The following GRM1 variants were observed in gnomAD, a reference collection of about 807,000 sequenced individuals.
The protein encoded by GRM1 is metabotropic glutamate receptor 1.
A neutral mutation model predicts 90.9 loss-of-function variants in GRM1; 33 were observed. The observed-to-expected ratio is 0.36, with a 90% CI of 0.28 to 0.49. The LOEUF (loss-of-function observed/expected upper bound fraction) is 0.49. GRM1 is among the 20% of genes least tolerant of loss of function. The pLI is 0.99. For missense variants in GRM1, 1,190 were observed against 1,534.3 expected, an observed-to-expected ratio of 0.78 and a Z score of 3.75; for synonymous variants, 700 against 613.2, an observed-to-expected ratio of 1.14 and a Z score of -2.09.
intron 2 of GRM1, among the ~76,000 whole-genome samples, chr6:146,195,593 A>G (rs1779088262): frequency 6.6e-6 from 1 of 152,314 alleles, no homozygotes; most frequent in East Asian, 1.9e-4. Context: ...ATACCAGGGG[A>G]AGTAGGAAAG....
At chr6:146,219,600 G>A (rs1443007942) in intron 2 of GRM1, among the ~76,000 whole-genome samples, 3 of 151,990 alleles carry the variant, frequency 2.0e-5, no homozygotes, top group Admixed American at 2.0e-4. Context: ...ACATAGTGAA[G>A]ATTAATAATT....
chr6:146,200,683 G>T (rs1184026197), intron 2 of GRM1, among the ~76,000 whole-genome samples: 1 of 152,138 alleles, frequency 6.6e-6, no homozygotes, highest in African/African-American at 2.4e-5. Context: ...ATGGGATTAA[G>T]TATGCAAAAT....
chr6:146,071,615 G>A (rs76324717), intron 1 of GRM1, among the ~76,000 whole-genome samples: 221 of 152,162 alleles, frequency 1.5e-3, no homozygotes, highest in African/African-American at 5.0e-3. Flanking sequence ...GTCTCATCCT[G>A]GGTCTCTGAG....
At position 146,398,696 on chromosome 6, in the gene GRM1, G is replaced by C. The variant is rs362934; in HGVS notation, c.1730-73G>C. The stretch of plus-strand genomic sequence containing the variant: ...AGGATGCAAAGATGACTGTGTCTCT[G>C]GTAATTAATAGGCAAGTTGTTATTC... On this transcript the variant is annotated intron_variant, in intron 6 of 7. Coordinates refer to ENST00000282753, the MANE Select transcript of GRM1 (RefSeq NM_001278064.2). 6,528 of 996,140 alleles carry C rather than the reference G, an allele frequency of 6.6e-3. 311 individuals carry two copies. The African/African-American group carries it at 0.091, about 14-fold the overall frequency. 61.7% of individuals were successfully genotyped at this position (996,140 alleles called of 1,614,324 possible).
chr6:146,034,549 T>G (rs1790816433), intron 1 of GRM1, among the ~76,000 whole-genome samples: 1 of 152,014 alleles, frequency 6.6e-6, no homozygotes, highest in South Asian at 2.1e-4. Context: ...TGTAAAATTA[T>G]TAGCTTCAAT....
chr6:146,158,624 T>G (rs562693521), intron 1 of GRM1, among the ~76,000 whole-genome samples: 1 of 152,242 alleles, frequency 6.6e-6, no homozygotes, highest in South Asian at 2.1e-4. Flanking sequence ...GCTCATAAAA[T>G]GGGGGCTAAA....
chr6:146,228,980 G>C (rs780831938), intron 2 of GRM1, among the ~76,000 whole-genome samples: 3 of 152,054 alleles, frequency 2.0e-5, no homozygotes, highest in Non-Finnish European at 4.4e-5. Flanking sequence ...TTATGAAATG[G>C]TAAAAGAGAT....
At chr6:146,408,571 T>C (rs1416911326) in intron 7 of GRM1, among the ~76,000 whole-genome samples, 1 of 152,126 alleles carries the variant, frequency 6.6e-6, no homozygotes. Context: ...TGAAAGTTCT[T>C]ATACTATACT....
chr6:146,270,569 A>G (rs1027090402), intron 2 of GRM1, among the ~76,000 whole-genome samples: 1 of 152,182 alleles, frequency 6.6e-6, no homozygotes, highest in African/African-American at 2.4e-5. Context: ...GGAGTTGCTG[A>G]TAACTCCCCA....
At chr6:146,235,916 G>C (rs908348349) in intron 2 of GRM1, among the ~76,000 whole-genome samples, 1 of 151,922 alleles carries the variant, frequency 6.6e-6, no homozygotes, top group Non-Finnish European at 1.5e-5. Context: ...TCTGGGTCAT[G>C]TCTGTGTCTG....
chr6:146,345,100 C>T (rs2115025172), intron 3 of GRM1, among the ~76,000 whole-genome samples: 1 of 152,246 alleles, frequency 6.6e-6, no homozygotes. Flanking sequence ...CGTAAGCCAC[C>T]AAGCCCAGCC....
intron 2 of GRM1, among the ~76,000 whole-genome samples, chr6:146,195,898 T>C (rs1779097997): frequency 6.6e-6 from 1 of 152,156 alleles, no homozygotes; most frequent in Admixed American, 6.5e-5. Flanking sequence ...TGATGAAGAA[T>C]AGATTCAACA....
At chr6:146,312,160 T>G (rs1231755762) in intron 3 of GRM1, among the ~76,000 whole-genome samples, 1 of 151,632 alleles carries the variant, frequency 6.6e-6, no homozygotes, top group Non-Finnish European at 1.5e-5. Flanking sequence ...GCTAACACAC[T>G]GAAACCCCAT....
intron 5 of GRM1, among the ~76,000 whole-genome samples, chr6:146,369,741 A>G (rs1326372115): frequency 6.6e-6 from 1 of 151,958 alleles, no homozygotes; most frequent in Non-Finnish European, 1.5e-5. Context: ...CACCCAATGT[A>G]TGGTCTATCC....
At chr6:146,182,959 A>G (rs905849558) in intron 2 of GRM1, among the ~76,000 whole-genome samples, 5 of 152,068 alleles carry the variant, frequency 3.3e-5, no homozygotes, top group African/African-American at 9.7e-5. Context: ...TAATTCATAG[A>G]ATTAGGGTAT....
intron 1 of GRM1, among the ~76,000 whole-genome samples, chr6:146,158,645 G>A (rs948034104): frequency 6.6e-6 from 1 of 152,134 alleles, no homozygotes; most frequent in Non-Finnish European, 1.5e-5. Flanking sequence ...ATCATCAGTG[G>A]AATAGAGAGA....
At chr6:146,336,207 T>C (rs1784766948) in intron 3 of GRM1, among the ~76,000 whole-genome samples, 3 of 152,098 alleles carry the variant, frequency 2.0e-5, no homozygotes, top group Non-Finnish European at 2.9e-5. Flanking sequence ...CTGAGCATTA[T>C]GGTGTAGTAG....
At position 146,427,260 on chromosome 6, in the gene GRM1, G is replaced by A. The variant is rs148092566; in HGVS notation, c.2661-6612G>A. Among the ~76,000 whole-genome samples, 96 of 152,144 alleles carry A rather than the reference G, an allele frequency of 6.3e-4. 1 individual carries two copies. The highest frequency in any genetic ancestry group is 3.1e-3 in the East Asian group (16 of 5,166). On this transcript the variant is annotated intron_variant, in intron 7 of 7. Transcript: ENST00000282753. ...TGAGTGATTTTTATCAGATTTCCTC[G>A]TCTGATAAAAATGATGCATGTTTGG... is the stretch of plus-strand genomic sequence containing the variant.
Position 146,367,017 on chromosome 6 carries a change from CAGTTTCAT to C in GRM1, c.1602+9331_1602+9338del, listed in dbSNP as rs149351143. Among the ~76,000 whole-genome samples, 914 of 152,200 alleles carry C rather than the reference CAGTTTCAT, an allele frequency of 6.0e-3. 30 individuals are homozygous for C. In the East Asian group the frequency reaches 0.1, roughly 17 times the overall value. Reference sequence around the variant, plus strand: ...ATATTTCCCCAATATTTTCCTCTAGCAGTTTCATAGTTTCAGCTCTGACATTTAAGTCT... The same window carrying C: ...ATATTTCCCCAATATTTTCCTCTAGCAGTTTCAGCTCTGACATTTAAGTCT... On this transcript the variant is annotated intron_variant, in intron 5 of 7. Transcript: ENST00000282753.
Sources: allele counts gnomAD v4.1 joint callset (sites outside exome capture counted in the v4.1 genomes callset), GRCh38; gene constraint gnomAD v4.1.1; transcripts MANE v1.5; gene names NCBI Gene and HGNC (gene_info 2026-07-23, HGNC 2026-07-21).